ZNF683: variants seen among roughly 807,000 people sequenced by gnomAD.
ZNF683 encodes tissue-resident T-cell transcription regulator protein ZNF683.
ZNF683 carries 20 observed loss-of-function variants against 31.4 expected under a neutral mutation model. That is an observed-to-expected ratio of 0.64 (90% CI 0.45 to 0.93). ZNF683 has a LOEUF of 0.93. Among genes scored for constraint, ZNF683 ranks in the 40% least tolerant of loss-of-function variants. ZNF683 has a pLI of 0.00. For synonymous variants in ZNF683, 264 were observed against 267.6 expected (o/e 0.99, Z 0.13); for missense variants, 621 against 637.2 (o/e 0.97, Z 0.27).
At chr1:26,365,566 G>C (rs1557737553) in intron 3 of ZNF683, among the ~76,000 whole-genome samples, 1 of 152,244 alleles carries the variant, frequency 6.6e-6, no homozygotes, top group Non-Finnish European at 1.5e-5. Flanking sequence ...TGCATGACTA[G>C]ATTTACATTA....
chr1:26,366,342 CAAAA>C (rs1173737722), intron 3 of ZNF683, among the ~76,000 whole-genome samples: 1 of 68,976 alleles, frequency 1.4e-5, no homozygotes, highest in African/African-American at 4.7e-5. Context: ...CAGCCTATCT[CAAAA>C]AAAAAAAAAA....
chr1:26,364,707 G>C lies in ZNF683; in HGVS notation c.839C>G (p.Pro280Arg), dbSNP rs201665078. The C allele has an allele frequency of 1.9e-6, 3 of 1,613,902 alleles. No individual in the cohort carries two copies. The East Asian group carries it at 6.7e-5, about 36-fold the overall frequency. ...QARNPGAGAA[P>R]TDSPGLERGG... is the part of the protein sequence containing the mutation. The stretch of plus-strand genomic sequence containing the variant: ...ACGCTCCAGGCCTGGGGAGTCGGTT[G>C]GGGCAGCTCCAGCACCTGGATTTCG... The change falls in exon 4 of 6, where the codon CCA becomes CGA. Residue 280 changes from proline (P) to arginine (R), a missense_variant. Pro to Arg is a moderately radical substitution (Grantham distance 103, BLOSUM62 -2). Transcript: ENST00000349618.
intron 1 of ZNF683, 53 bp from the exon 2 acceptor site, chr1:26,368,638 C>A (rs2074590184): frequency 6.6e-7 from 1 of 1,517,020 alleles, no homozygotes; most frequent in South Asian, 1.3e-5. Flanking sequence ...AAATAGGAGT[C>A]TGAGTTCTAG....
Position 26,367,633 on chromosome 1 carries a change from G to A in ZNF683, c.279C>T (p.Gly93=), listed in dbSNP as rs1260170146. The change falls in exon 3 of 6, where the codon GGC becomes GGT. Residue 93 remains glycine, a synonymous_variant. Transcript: ENST00000349618. ...NLCTPQPAPL[G]TDLQGLQEDA... ...CCTCTTGGAGGCCCTGCAGGTCTGT[G>A]CCCAGGGGTGCCGGCTGTGGGGTGC... The A allele has an allele frequency of 4.3e-6, 7 of 1,611,786 alleles. No homozygotes were observed. The highest frequency in any genetic ancestry group is 1.3e-5 in the African/African-American group (1 of 74,864).
At chr1:26,372,473 A>G (rs2074691305) in intron 1 of ZNF683, 196 bp downstream of exon 1, 25 of 1,304,078 alleles carry the variant, frequency 1.9e-5, no homozygotes, top group Non-Finnish European at 2.4e-5. Flanking sequence ...CCAGCACTTC[A>G]TGCAGGCATA....
rs1184222375 is a variant in ZNF683 at position 26,368,659 on chromosome 1, C to T, written c.-14-74G>A. On this transcript the variant is annotated intron_variant, in intron 1 of 5. Coordinates refer to ENST00000349618, the MANE Select transcript of ZNF683 (RefSeq NM_001114759.3). ...GAGTCTGAGTTCTAGGACTGGCTCT[C>T]CCATTAACATGCTGCATGACCACAA... 4.0e-5 allele frequency: 58 copies of T among 1,451,884 alleles called. 1 individual carries two copies. The highest frequency in any genetic ancestry group is 3.8e-4 in the South Asian group (25 of 65,494). 89.9% of individuals were successfully genotyped at this position (1,451,884 alleles called of 1,614,324 possible). A position where few individuals can be genotyped will look rare whatever the true frequency, so the allele number is the denominator to read the frequency against.
In ZNF683 at chr1:26,361,874, T is replaced by C. The variant is rs1210216587; in HGVS notation, c.1292A>G (p.Gln431Arg). The C allele has an allele frequency of 1.2e-6, 2 of 1,613,986 alleles. No individual in the cohort carries two copies. The highest frequency in any genetic ancestry group is 2.2e-5 in the East Asian group (1 of 44,876). The change falls in exon 6 of 6, where the codon CAG becomes CGG. Residue 431 changes from glutamine to arginine, a missense_variant. By Grantham distance (43) the Gln-to-Arg change is conservative. Coordinates refer to ENST00000349618, the MANE Select transcript of ZNF683 (RefSeq NM_001114759.3). ...LKLHHRLHAP[Q>R]PCGLVHTQLP... ...CTGGGTGTGCACCAGGCCACAGGGC[T>C]GTGGGGCATGCAGCCGATGGTGCAG...
At chr1:26,370,824 T>A in intron 1 of ZNF683, 1 of 717,266 alleles carries the variant, frequency 1.4e-6, no homozygotes, top group Non-Finnish European at 1.7e-6. Flanking sequence ...CAGGCAGGCT[T>A]GGGGGCCCTG....
chr1:26,367,599 T>G lies in ZNF683; in HGVS notation c.313A>C (p.Ser105Arg). ...DLQGLQEDAL[S>R]MKHEPPGLQA... ...CCCGGTGCCCTGGGCTTACTCATGCTCAAGGCGTCCTCTTGGAGGCCCTGC... is the reference window on the plus strand; with the variant it reads ...CCCGGTGCCCTGGGCTTACTCATGCGCAAGGCGTCCTCTTGGAGGCCCTGC... The change falls in exon 3 of 6, where the codon AGC becomes CGC. Residue 105 changes from serine (S) to arginine (R), a missense_variant. Transcript: ENST00000349618. 6.2e-7 allele frequency: 1 copy of G among 1,601,162 alleles called. No individual in the cohort carries two copies.
At chr1:26,366,988 G>A (rs898755708) in intron 3 of ZNF683, among the ~76,000 whole-genome samples, 8 of 152,328 alleles carry the variant, frequency 5.3e-5, no homozygotes, top group African/African-American at 1.9e-4. Context: ...TCTAGGGCTG[G>A]GCACAGTGGC....
chr1:26,364,316 A>G (rs1194622862), intron 4 of ZNF683, among the ~76,000 whole-genome samples: 1 of 152,182 alleles, frequency 6.6e-6, no homozygotes, highest in Non-Finnish European at 1.5e-5. Flanking sequence ...AACCTAAATG[A>G]GACGATCTCA....
intron 3 of ZNF683, 27 bp from the exon 4 acceptor site, chr1:26,365,253 A>G: frequency 6.4e-7 from 1 of 1,555,794 alleles, no homozygotes; most frequent in Non-Finnish European, 8.7e-7. Context: ...AGGCGGTCAG[A>G]TCCCCACAGT....
Position 26,368,439 on chromosome 1 carries a change from G to C in ZNF683, c.114+19C>G. 2 of 1,554,586 alleles carry C rather than the reference G, an allele frequency of 1.3e-6. No homozygotes were observed. The highest frequency in any genetic ancestry group is 1.7e-6 in the Non-Finnish European group (2 of 1,152,936). ...ATAAGCAGACTACCCACAAAGGTAAGGCTGGGGTTCTACCTTACCTGGTCA... is the reference window on the plus strand; with the variant it reads ...ATAAGCAGACTACCCACAAAGGTAACGCTGGGGTTCTACCTTACCTGGTCA... On this transcript the variant is annotated intron_variant, in intron 2 of 5. Coordinates refer to ENST00000349618, the MANE Select transcript of ZNF683 (RefSeq NM_001114759.3).
At chr1:26,366,951 C>T (rs987248459) in intron 3 of ZNF683, among the ~76,000 whole-genome samples, 15 of 152,192 alleles carry the variant, frequency 9.9e-5, no homozygotes, top group South Asian at 2.1e-4. Flanking sequence ...CCACCGTGCC[C>T]GGCCTCCAGT....
intron 4 of ZNF683, among the ~76,000 whole-genome samples, chr1:26,363,525 TG>T (rs1361706550): frequency 6.6e-6 from 1 of 152,088 alleles, no homozygotes; most frequent in Non-Finnish European, 1.5e-5. Flanking sequence ...CCCAGCATTT[TG>T]GGAGGCCGAG....
At chr1:26,362,319 T>C in intron 5 of ZNF683, 2 of 808,636 alleles carry the variant, frequency 2.5e-6, no homozygotes, top group Non-Finnish European at 4.1e-6. Context: ...TATGGTGGAC[T>C]GAATGAGATA....
chr1:26,363,401 C>A (rs1354223848), intron 4 of ZNF683, among the ~76,000 whole-genome samples: 2 of 152,194 alleles, frequency 1.3e-5, no homozygotes, highest in African/African-American at 2.4e-5. Context: ...CACAGACCAG[C>A]AGTGCTGGTA....
chr1:26,374,451 A>G, upstream of ZNF683: 1 of 1,150,050 alleles, frequency 8.7e-7, no homozygotes, highest in Non-Finnish European at 1.1e-6. Context: ...ATGCCCCAGG[A>G]GGTGGGCTGA....
intron 2 of ZNF683, 65 bp downstream of exon 2, chr1:26,368,390 TTCC>T: frequency 1.4e-6 from 2 of 1,465,568 alleles, no homozygotes; most frequent in South Asian, 1.5e-5. Flanking sequence ...GTTCCCCTTT[TTCC>T]TCCTAATGTC....
Sources: allele counts gnomAD v4.1 joint callset (sites outside exome capture counted in the v4.1 genomes callset), GRCh38; gene constraint gnomAD v4.1.1; transcripts MANE v1.5; gene names NCBI Gene and HGNC (gene_info 2026-07-23, HGNC 2026-07-21).